HECW1: variants seen among roughly 807,000 people sequenced by gnomAD.
HECW1 encodes HECT, C2 and WW domain containing E3 ubiquitin protein ligase 1.
Under a neutral mutation model 182.3 loss-of-function variants are expected in HECW1, and 61 were observed. The observed-to-expected ratio is 0.33, with a 90% CI of 0.27 to 0.41. The LOEUF is 0.41. HECW1 is among the 10% of genes least tolerant of loss of function. The probability of loss-of-function intolerance (pLI) is 1.00; values close to 1 mark genes in which losing one functional copy is unlikely to be tolerated. For synonymous variants in HECW1, 859 were observed against 832.6 expected, an observed-to-expected ratio of 1.03 and a Z score of -0.55; for missense variants, 1,739 against 2,108.9, an observed-to-expected ratio of 0.82 and a Z score of 3.44.
At chr7:43,500,434 T>TC (rs2079299780) in intron 19 of HECW1, among the ~76,000 whole-genome samples, 1 of 152,106 alleles carries the variant, frequency 6.6e-6, no homozygotes, top group African/African-American at 2.4e-5. Flanking sequence ...CTTACCCAGC[T>TC]CCACTCCTGA....
At chr7:43,460,342 T>C (rs1468569547) in intron 13 of HECW1, among the ~76,000 whole-genome samples, 1 of 152,262 alleles carries the variant, frequency 6.6e-6, no homozygotes, top group Non-Finnish European at 1.5e-5. Context: ...TGATGCCACT[T>C]ACATTTCACT....
At chr7:43,338,541 T>C (rs551155121) in intron 5 of HECW1, among the ~76,000 whole-genome samples, 113 of 152,366 alleles carry the variant, frequency 7.4e-4, no homozygotes, top group Non-Finnish European at 1.3e-3. Context: ...CTTAGCTCGT[T>C]GGTTTGTAGC....
At position 43,444,167 on chromosome 7, in the gene HECW1, C is replaced by A. The variant is rs780925055; in HGVS notation, c.1046-51C>A. 6 of 1,538,770 alleles carry A rather than the reference C, an allele frequency of 3.9e-6. No individual in the cohort carries two copies. Among genetic ancestry groups the A allele is most frequent in the Non-Finnish European group, 5.3e-6 (6 of 1,135,608 alleles). On this transcript the variant is annotated intron_variant, in intron 10 of 29. Transcript: ENST00000395891. This position sits in a 1 kb window ranked among gnomAD's most constrained non-coding sequence, Gnocchi z 4.3. ...ACATGTCCCACAGGGTATCCTAACA[C>A]CACAATGCTCTCTTCTGGGAGAAAT...
At chr7:43,379,796 A>G (rs2074473099) in intron 6 of HECW1, among the ~76,000 whole-genome samples, 1 of 152,110 alleles carries the variant, frequency 6.6e-6, no homozygotes, top group Admixed American at 6.5e-5. Flanking sequence ...CACCCTATCT[A>G]AACTATTCTC....
chr7:43,342,293 C>A (rs1271844808), intron 5 of HECW1, among the ~76,000 whole-genome samples: 2 of 151,554 alleles, frequency 1.3e-5, no homozygotes, highest in Admixed American at 1.3e-4. Flanking sequence ...TATTTGGAAA[C>A]CCTTCACCCT....
intron 3 of HECW1, among the ~76,000 whole-genome samples, chr7:43,254,070 G>T (rs1332534990): frequency 6.6e-6 from 1 of 152,176 alleles, no homozygotes; most frequent in Admixed American, 6.5e-5. Context: ...CTGACTGCTA[G>T]TCTTTCTATC....
chr7:43,523,648 GAA>G (rs1327841033), intron 24 of HECW1, among the ~76,000 whole-genome samples: 2 of 152,096 alleles, frequency 1.3e-5, no homozygotes, highest in African/African-American at 4.8e-5. Context: ...TCGAAAAAAA[GAA>G]AAGAGTCAGC....
chr7:43,312,003 A>T lies in HECW1; in HGVS notation c.268A>T (p.Ile90Phe). ...TLMVSSSYYS[I>F]GHSQDLVIHW... Reference sequence around the variant, plus strand: ...CATGGTCAGCAGCTCCTACTATTCCATCGGGCACTCTCAGGACCTGGTCAT... The same window carrying T: ...CATGGTCAGCAGCTCCTACTATTCCTTCGGGCACTCTCAGGACCTGGTCAT... Residue 90 changes from isoleucine (I) to phenylalanine (F), a missense_variant, in exon 4 of 30, where the codon ATC (isoleucine) becomes TTC (phenylalanine). By Grantham distance (21) the Ile-to-Phe change is conservative. Around this residue, in one of 5 missense-constraint regions of HECW1, gnomAD observed 279 missense variants for 353.1 expected, o/e 0.79. Transcript: ENST00000395891. The T allele has an allele frequency of 1.2e-6, 2 of 1,614,024 alleles. No individual in the cohort carries two copies. The highest frequency in any genetic ancestry group is 1.7e-6 in the Non-Finnish European group (2 of 1,179,952).
chr7:43,147,125 T>A (rs1788806873), intron 2 of HECW1, among the ~76,000 whole-genome samples: 1 of 152,218 alleles, frequency 6.6e-6, no homozygotes, highest in Non-Finnish European at 1.5e-5. Context: ...AGGAAACCTT[T>A]ACTAGGCTTT....
intron 9 of HECW1, chr7:43,439,450 T>C (rs978326454): frequency 6.6e-6 from 1 of 152,330 alleles, no homozygotes; most frequent in East Asian, 1.9e-4. Context: ...TGTAGTTTAT[T>C]GTGGGCCATG....
At chr7:43,341,351 G>A (rs1812976778) in intron 5 of HECW1, among the ~76,000 whole-genome samples, 1 of 146,734 alleles carries the variant, frequency 6.8e-6, no homozygotes, top group Non-Finnish European at 1.5e-5. Flanking sequence ...TAAATAAATA[G>A]TTACAGTGTC....
intron 17 of HECW1, among the ~76,000 whole-genome samples, chr7:43,488,456 G>GAAAGA (rs1191073548): frequency 1.4e-5 from 2 of 145,170 alleles, no homozygotes; most frequent in Admixed American, 6.9e-5. Flanking sequence ...AAGAAAGAAA[G>GAAAGA]AAAGAAAGAA....
chr7:43,426,397 C>T (rs1405339366), intron 8 of HECW1, among the ~76,000 whole-genome samples: 4 of 151,890 alleles, frequency 2.6e-5, no homozygotes, highest in African/African-American at 7.3e-5. Context: ...TCTTGCACAC[C>T]CTCCTGAATA....
chr7:43,471,103 T>A (rs1043811629), intron 16 of HECW1, among the ~76,000 whole-genome samples: 2 of 152,242 alleles, frequency 1.3e-5, no homozygotes, highest in African/African-American at 4.8e-5. Flanking sequence ...TCATGACAGA[T>A]TAGTAGTATC....
intron 4 of HECW1, among the ~76,000 whole-genome samples, chr7:43,313,494 C>T (rs935586229): frequency 7.2e-5 from 11 of 151,946 alleles, no homozygotes; most frequent in Admixed American, 2.6e-4. Flanking sequence ...TGTGCCACCA[C>T]GCCTGGCTAG....
chr7:43,253,525 G>A (rs1314037895), intron 3 of HECW1, among the ~76,000 whole-genome samples: 1 of 152,188 alleles, frequency 6.6e-6, no homozygotes, highest in African/African-American at 2.4e-5. Flanking sequence ...TATTATGGCT[G>A]CTGATAGCTC....
chr7:43,116,179 C>T (rs1785032200), intron 2 of HECW1, among the ~76,000 whole-genome samples: 1 of 151,912 alleles, frequency 6.6e-6, no homozygotes, highest in South Asian at 2.1e-4. Flanking sequence ...CCTCAGTAAA[C>T]AAAAAAACAC....
At chr7:43,323,673 A>G (rs1178680871) in intron 5 of HECW1, among the ~76,000 whole-genome samples, 1 of 152,190 alleles carries the variant, frequency 6.6e-6, no homozygotes, top group African/African-American at 2.4e-5. Context: ...TAATACATAA[A>G]CATTGGCATA....
At chr7:43,170,414 A>G (rs1791567176) in intron 2 of HECW1, among the ~76,000 whole-genome samples, 1 of 152,116 alleles carries the variant, frequency 6.6e-6, no homozygotes, top group Non-Finnish European at 1.5e-5. Flanking sequence ...GGTCCCAAAA[A>G]GGTTGGAGAC....
Sources: allele counts gnomAD v4.1 joint callset (sites outside exome capture counted in the v4.1 genomes callset), GRCh38; gene constraint gnomAD v4.1.1; regional missense constraint gnomAD v4.1.1; non-coding constraint Gnocchi (gnomAD v3.1); transcripts MANE v1.5; gene names NCBI Gene and HGNC (gene_info 2026-07-23, HGNC 2026-07-21).